Variants in CNOT6 observed in about 807,000 individuals in gnomAD.
CNOT6 encodes the protein carbon catabolite repression 4 protein.
Under a neutral mutation model 61.2 loss-of-function variants are expected in CNOT6, and 12 were observed. The observed-to-expected ratio is 0.20, with a 90% CI of 0.13 to 0.32. CNOT6 has a LOEUF of 0.32. CNOT6 is among the 10% of genes least tolerant of loss of function. CNOT6 has a pLI of 1.00. For synonymous variants in CNOT6, 225 were observed against 240.6 expected, an observed-to-expected ratio of 0.94 and a Z score of 0.60; for missense variants, 405 against 663.9, an observed-to-expected ratio of 0.61 and a Z score of 4.28.
chr5:180,553,078 C>T (rs930153509), intron 3 of CNOT6, among the ~76,000 whole-genome samples: 2 of 152,134 alleles, frequency 1.3e-5, no homozygotes, highest in Non-Finnish European at 2.9e-5. Flanking sequence ...TGCCAGTCTG[C>T]AGTGAGATTA....
intron 2 of CNOT6, among the ~76,000 whole-genome samples, chr5:180,548,016 G>A (rs183125244): frequency 6.6e-6 from 1 of 152,330 alleles, no homozygotes; most frequent in East Asian, 1.9e-4. Flanking sequence ...TTACAGGCAT[G>A]AGCCACCGCA....
intron 1 of CNOT6, among the ~76,000 whole-genome samples, chr5:180,523,092 G>A (rs544558729): frequency 4.6e-5 from 7 of 152,284 alleles, no homozygotes; most frequent in African/African-American, 1.7e-4. Context: ...GATACTGTCA[G>A]GATTGAATTG....
chr5:180,539,688 C>G (rs1276090724), intron 2 of CNOT6, among the ~76,000 whole-genome samples: 1 of 148,354 alleles, frequency 6.7e-6, no homozygotes. Flanking sequence ...CTCCCAGGTT[C>G]ACGCCATTCT....
At chr5:180,548,185 C>G (rs1288570297) in intron 2 of CNOT6, among the ~76,000 whole-genome samples, 2 of 152,190 alleles carry the variant, frequency 1.3e-5, no homozygotes, top group Admixed American at 1.3e-4. Context: ...TGTATATTCA[C>G]AGAGTTGTGC....
intron 1 of CNOT6, among the ~76,000 whole-genome samples, chr5:180,508,372 C>A (rs1217414368): frequency 1.3e-5 from 2 of 152,142 alleles, no homozygotes; most frequent in Non-Finnish European, 2.9e-5. Context: ...AGTGCAGTGA[C>A]GCAATCTTGG....
At chr5:180,553,205 A>G (rs977253786) in intron 3 of CNOT6, among the ~76,000 whole-genome samples, 181 bp from the exon 4 acceptor site, 2 of 151,138 alleles carry the variant, frequency 1.3e-5, no homozygotes, top group Admixed American at 1.3e-4. Context: ...TGTTTCTTGT[A>G]TTCTCTGGCA....
At chr5:180,564,407 A>G (rs981480451) in intron 4 of CNOT6, 82 bp from the exon 5 acceptor site, 1 of 891,358 alleles carries the variant, frequency 1.1e-6, no homozygotes, top group Non-Finnish European at 1.8e-6. Flanking sequence ...GTTATGGATG[A>G]TCTGATAATT....
Position 180,510,134 on chromosome 5 carries a change from C to T in CNOT6, c.-3+15371C>T, listed in dbSNP as rs1385927753. Among the ~76,000 whole-genome samples, 4 of 37,366 alleles carry T rather than the reference C, an allele frequency of 1.1e-4. No homozygotes were observed. In the East Asian group the frequency reaches 3.4e-3, roughly 32 times the overall value. The allele number at this position is 37,366 out of a possible 152,430, so 24.5% of individuals were successfully genotyped here. The stretch of plus-strand genomic sequence containing the variant: ...TAAATGAGGTTTATCGTCTGTAAAC[C>T]TTTTTTTTTTTTTTTTTTTTTTTTT... On this transcript the variant is annotated intron_variant, in intron 1 of 11. Transcript: ENST00000261951.
At chr5:180,505,085 A>G (rs1412772647) in intron 1 of CNOT6, among the ~76,000 whole-genome samples, 1 of 147,912 alleles carries the variant, frequency 6.8e-6, no homozygotes, top group Non-Finnish European at 1.5e-5. Flanking sequence ...CAGCCTCCCA[A>G]GTAGCTGGGA....
At chr5:180,514,985 G>C (rs1448595099) in intron 1 of CNOT6, among the ~76,000 whole-genome samples, 2 of 152,188 alleles carry the variant, frequency 1.3e-5, no homozygotes, top group African/African-American at 2.4e-5. Context: ...TGTGCATGCA[G>C]AGTGGGGAGT....
rs116525869 is a variant in CNOT6, at chr5:180,572,526, G to A, written c.1461+1094G>A. Among the ~76,000 whole-genome samples, 924 of 151,878 alleles carry A rather than the reference G, an allele frequency of 6.1e-3. 2 individuals carry two copies. Among genetic ancestry groups the A allele is most frequent in the Non-Finnish European group, 9.3e-3 (632 of 67,960 alleles). Reference sequence around the variant, plus strand: ...ATTTTTAACGTTAGTGATTGTTTAGGGCTGTCACTTTCTTGTGTTCAACTG... The same window carrying A: ...ATTTTTAACGTTAGTGATTGTTTAGAGCTGTCACTTTCTTGTGTTCAACTG... On this transcript the variant is annotated intron_variant, in intron 11 of 11. Transcript: ENST00000261951.
chr5:180,509,041 C>G (rs2127699883), intron 1 of CNOT6, among the ~76,000 whole-genome samples: 1 of 152,264 alleles, frequency 6.6e-6, no homozygotes, highest in Middle Eastern at 3.4e-3. Context: ...AGGCTGGTCT[C>G]AAACTCCTGA....
intron 1 of CNOT6, among the ~76,000 whole-genome samples, chr5:180,501,857 T>C (rs1756882264): frequency 6.6e-6 from 1 of 152,124 alleles, no homozygotes; most frequent in South Asian, 2.1e-4. Flanking sequence ...GTAGTCATCA[T>C]TGTGCCCAGG....
chr5:180,562,258 T>C (rs1395995071), intron 4 of CNOT6, among the ~76,000 whole-genome samples: 1 of 152,232 alleles, frequency 6.6e-6, no homozygotes, highest in African/African-American at 2.4e-5. Flanking sequence ...GTGCTTTTAG[T>C]TGTACCTAGT....
chr5:180,553,389 G>A lies in CNOT6; in HGVS notation c.303G>A (p.Glu101=). 1.2e-6 allele frequency: 2 copies of A among 1,612,076 alleles called. No individual in the cohort carries two copies. The highest frequency in any genetic ancestry group is 1.7e-6 in the Non-Finnish European group (2 of 1,178,736). The change falls in exon 4 of 12, where the codon GAG becomes GAA. Residue 101 remains glutamate, a synonymous_variant. Coordinates refer to ENST00000261951, the MANE Select transcript of CNOT6 (RefSeq NM_001370472.1). ...AELGNMVSLR[E]LHLNNNLLRV... The stretch of plus-strand genomic sequence containing the variant: ...CCTGGAATTTTTACATCAACAGGGA[G>A]CTCCATTTAAATAACAACCTGTTAC...
intron 4 of CNOT6, among the ~76,000 whole-genome samples, chr5:180,555,550 A>G (rs1196530435): frequency 6.6e-6 from 1 of 152,198 alleles, no homozygotes; most frequent in Non-Finnish European, 1.5e-5. Context: ...GTCTTCTTTT[A>G]CTGGTTTTAC....
At chr5:180,567,794 A>G in intron 8 of CNOT6, 55 bp from the exon 9 acceptor site, 1 of 1,612,618 alleles carries the variant, frequency 6.2e-7, no homozygotes, top group Non-Finnish European at 8.5e-7. Context: ...CCACAAAGCT[A>G]ACCTCTTGGT....
intron 1 of CNOT6, among the ~76,000 whole-genome samples, chr5:180,499,065 A>C (rs542213961): frequency 9.4e-4 from 143 of 152,346 alleles, no homozygotes; most frequent in Admixed American, 3.1e-3. Context: ...TGCTGGGATT[A>C]CAGGCGTGAG....
At chr5:180,516,644 C>T (rs990321790) in intron 1 of CNOT6, among the ~76,000 whole-genome samples, 12 of 152,198 alleles carry the variant, frequency 7.9e-5, no homozygotes, top group Admixed American at 5.2e-4. Flanking sequence ...AGTAACATCA[C>T]GCAAATCACT....
Sources: gnomAD v4.1 joint callset for allele counts (sites outside exome capture counted in the v4.1 genomes callset) on GRCh38, gnomAD v4.1.1 for gene constraint, MANE v1.5 for transcripts, NCBI Gene and HGNC (gene_info 2026-07-23, HGNC 2026-07-21) for gene names.